The following SMIM14 variants were observed in gnomAD, a reference collection of about 807,000 sequenced individuals.
SMIM14 encodes the protein chromosome 4 open reading frame 34.
SMIM14 carries 5 observed loss-of-function variants against 12.6 expected under a neutral mutation model. The ratio of observed to expected loss-of-function variants is 0.40; its 90% confidence interval spans 0.21 to 0.83. The LOEUF is 0.83. Ranked by LOEUF, SMIM14 falls within the 40% of genes least tolerant of loss-of-function variation. SMIM14 has a pLI of 0.37. For synonymous variants in SMIM14, 30 were observed against 40.1 expected, an observed-to-expected ratio of 0.75 and a Z score of 0.95; for missense variants, 86 against 119.1, an observed-to-expected ratio of 0.72 and a Z score of 1.29.
At chr4:39,578,943 G>A (rs1445915495) in intron 2 of SMIM14, among the ~76,000 whole-genome samples, 4 of 148,062 alleles carry the variant, frequency 2.7e-5, no homozygotes, top group African/African-American at 1.0e-4. Flanking sequence ...GTTGCAGTGA[G>A]CCGAGATCAT....
intron 1 of SMIM14, among the ~76,000 whole-genome samples, chr4:39,619,873 T>TAC (rs1715411553): frequency 1.2e-5 from 1 of 81,654 alleles, no homozygotes; most frequent in Non-Finnish European, 2.4e-5. Flanking sequence ...TATATATATA[T>TAC]ATATTTTTTT....
At chr4:39,587,668 G>C (rs547823126) in intron 2 of SMIM14, among the ~76,000 whole-genome samples, 2 of 152,204 alleles carry the variant, frequency 1.3e-5, no homozygotes, top group African/African-American at 4.8e-5. Context: ...CACTTTGGGA[G>C]GTCAAGGCAG....
chr4:39,564,714 A>C (rs773005317), intron 3 of SMIM14, among the ~76,000 whole-genome samples: 1 of 152,204 alleles, frequency 6.6e-6, no homozygotes, highest in African/African-American at 2.4e-5. Flanking sequence ...GCAGGGGGCT[A>C]AGGGAAGCCT....
rs556736314 is a variant in SMIM14 at position 39,587,188 on chromosome 4, G to A, written c.76-14725C>T. Among the ~76,000 whole-genome samples the A allele has an allele frequency of 1.8e-3, 266 of 151,914 alleles. 3 individuals are homozygous for A. Among genetic ancestry groups the A allele is most frequent in the African/African-American group, 6.2e-3 (257 of 41,334 alleles). ...ACAAAAATATAAACTATATACATACGTATATGCATATTAAATTTCTAGAAG... is the reference window on the plus strand; with the variant it reads ...ACAAAAATATAAACTATATACATACATATATGCATATTAAATTTCTAGAAG... On this transcript the variant is annotated intron_variant, in intron 2 of 4. Transcript: ENST00000295958.
chr4:39,622,978 G>T (rs1036935294), intron 1 of SMIM14, among the ~76,000 whole-genome samples: 1 of 152,124 alleles, frequency 6.6e-6, no homozygotes, highest in African/African-American at 2.4e-5. Flanking sequence ...AACGGTTACA[G>T]ATTAAAACAA....
At chr4:39,563,914 CTCT>C (rs377240775) in intron 3 of SMIM14, among the ~76,000 whole-genome samples, 23 of 151,332 alleles carry the variant, frequency 1.5e-4, no homozygotes, top group South Asian at 4.2e-4. Context: ...CCTTCTCTTC[CTCT>C]TCTTCTTCTT....
rs1711677728 is a variant in SMIM14 at position 39,551,078 on chromosome 4, T to G, written c.*1048A>C. Reference sequence around the variant, plus strand: ...GCACATGCACCAACCCTGGCTAATTTTTCTGTATTTTTAGTAGAGACAGGG... The same window carrying G: ...GCACATGCACCAACCCTGGCTAATTGTTCTGTATTTTTAGTAGAGACAGGG... On this transcript the variant is annotated 3_prime_UTR_variant, in exon 5 of 5. Coordinates refer to ENST00000295958, the MANE Select transcript of SMIM14 (RefSeq NM_174921.3). 6.6e-6 allele frequency: 1 copy of G among 152,012 alleles called. No individual in the cohort carries two copies. Among genetic ancestry groups the G allele is most frequent in the South Asian group, 2.1e-4 (1 of 4,812 alleles). 9.4% of individuals were successfully genotyped at this position (152,012 alleles called of 1,614,324 possible). A position where few individuals can be genotyped will look rare whatever the true frequency, so the allele number is the denominator to read the frequency against.
At chr4:39,574,086 A>G (rs1395126579) in intron 2 of SMIM14, among the ~76,000 whole-genome samples, 3 of 152,168 alleles carry the variant, frequency 2.0e-5, no homozygotes, top group Admixed American at 6.5e-5. Context: ...TTTCCAAGTT[A>G]GTCTTATTAC....
intron 2 of SMIM14, chr4:39,593,600 G>A (rs958652973): frequency 5.3e-5 from 8 of 152,186 alleles, no homozygotes; most frequent in African/African-American, 1.7e-4. Flanking sequence ...ATTAGGAAGA[G>A]GAAGTCAAAT....
intron 3 of SMIM14, among the ~76,000 whole-genome samples, chr4:39,560,600 C>T (rs1251274207): frequency 3.3e-5 from 5 of 150,710 alleles, no homozygotes; most frequent in African/African-American, 7.3e-5. Flanking sequence ...GAGCTGAGAT[C>T]GCGCCACTGC....
At chr4:39,581,873 CTTTT>C (rs200459196) in intron 2 of SMIM14, among the ~76,000 whole-genome samples, 4 of 135,416 alleles carry the variant, frequency 3.0e-5, no homozygotes, top group African/African-American at 2.7e-5. Context: ...AATGTCTTTT[CTTTT>C]TTTTTTTTTT....
At chr4:39,635,073 C>T (rs1716042244) in intron 1 of SMIM14, among the ~76,000 whole-genome samples, 2 of 152,302 alleles carry the variant, frequency 1.3e-5, no homozygotes, top group South Asian at 4.1e-4. Context: ...GGTCAGTCTC[C>T]TTGAAGAGGC....
At chr4:39,580,529 CTTT>C (rs113793341) in intron 2 of SMIM14, among the ~76,000 whole-genome samples, 1 of 144,414 alleles carries the variant, frequency 6.9e-6, no homozygotes. Context: ...TTCTTTCTTT[CTTT>C]TTTTTTTTAG....
intron 2 of SMIM14, chr4:39,583,985 T>C (rs1037422435): frequency 3.9e-5 from 6 of 152,106 alleles, no homozygotes; most frequent in Non-Finnish European, 8.8e-5. Context: ...ATGCACACTG[T>C]AAGTTTTGAT....
At chr4:39,588,545 A>C (rs1713904562) in intron 2 of SMIM14, among the ~76,000 whole-genome samples, 1 of 152,206 alleles carries the variant, frequency 6.6e-6, no homozygotes, top group South Asian at 2.1e-4. Context: ...TAGTCCACTG[A>C]AATTTCCTTA....
At chr4:39,553,369 A>T (rs1328549086) in intron 4 of SMIM14, among the ~76,000 whole-genome samples, 1 of 151,310 alleles carries the variant, frequency 6.6e-6, no homozygotes, top group Non-Finnish European at 1.5e-5. Context: ...AGCCCACTGT[A>T]ATGATTTCTA....
rs71192880 is a variant in SMIM14, at chr4:39,595,608, A to ATTTT, written c.75+9459_75+9462dup. Among the ~76,000 whole-genome samples the ATTTT allele has an allele frequency of 3.6e-3, 486 of 135,534 alleles. 12 individuals carry two copies. Among genetic ancestry groups the ATTTT allele is most frequent in the African/African-American group, 0.012 (446 of 35,922 alleles). 88.9% of individuals were successfully genotyped at this position (135,534 alleles called of 152,430 possible). A position where few individuals can be genotyped will look rare whatever the true frequency, so the allele number is the denominator to read the frequency against. On this transcript the variant is annotated intron_variant, in intron 2 of 4. Coordinates refer to ENST00000295958, the MANE Select transcript of SMIM14 (RefSeq NM_174921.3). ...AATGAAAACGTTTTCTGTAACTACG[A>ATTTT]TTTTTTTTTTTTTTTTTTGAGACAG...
intron 3 of SMIM14, among the ~76,000 whole-genome samples, chr4:39,569,322 T>C (rs1385563878): frequency 6.6e-6 from 1 of 152,212 alleles, no homozygotes; most frequent in Admixed American, 6.5e-5. Context: ...TAAGCTGTTA[T>C]ATCTGTGGAA....
intron 1 of SMIM14, among the ~76,000 whole-genome samples, chr4:39,620,282 A>C (rs1715434780): frequency 6.6e-6 from 1 of 151,762 alleles, no homozygotes; most frequent in South Asian, 2.1e-4. Flanking sequence ...GATGGAGACC[A>C]CCCTGCCTAA....
Sources: allele counts gnomAD v4.1 joint callset (sites outside exome capture counted in the v4.1 genomes callset), GRCh38; gene constraint gnomAD v4.1.1; transcripts MANE v1.5; gene names NCBI Gene and HGNC (gene_info 2026-07-23, HGNC 2026-07-21).